The following DCUN1D1 variants were observed in gnomAD, a reference collection of about 807,000 sequenced individuals.
DCUN1D1 encodes the protein defective in cullin neddylation 1 domain containing 1.
Under a neutral mutation model 39.0 loss-of-function variants are expected in DCUN1D1, and 3 were observed. The ratio of observed to expected loss-of-function variants is 0.08; its 90% CI spans 0.04 to 0.20. DCUN1D1 has a LOEUF of 0.20. Among genes scored for constraint, DCUN1D1 ranks in the 10% least tolerant of loss-of-function variants. DCUN1D1 has a pLI of 1.00. For synonymous variants in DCUN1D1, 82 were observed against 96.3 expected, an observed-to-expected ratio of 0.85 and a Z score of 0.87; for missense variants, 158 against 302.4, an observed-to-expected ratio of 0.52 and a Z score of 3.54.
At chr3:182,950,606 T>C (rs985146476) in intron 4 of DCUN1D1, among the ~76,000 whole-genome samples, 1 of 152,150 alleles carries the variant, frequency 6.6e-6, no homozygotes, top group African/African-American at 2.4e-5. Flanking sequence ...CTTTTTCTCC[T>C]TCCCTTCACA....
chr3:182,946,763 A>C (rs1188061965), intron 6 of DCUN1D1, among the ~76,000 whole-genome samples: 1 of 152,142 alleles, frequency 6.6e-6, no homozygotes, highest in Admixed American at 6.5e-5. Context: ...ATTGAAGGAA[A>C]CAGAAGAATA....
At chr3:182,948,503 A>C (rs565137095) in intron 4 of DCUN1D1, among the ~76,000 whole-genome samples, 1 of 152,012 alleles carries the variant, frequency 6.6e-6, no homozygotes, top group South Asian at 2.1e-4. Context: ...AGAGAACTAC[A>C]CTTATCACAT....
At chr3:182,954,546 T>C (rs1472109548) in intron 4 of DCUN1D1, among the ~76,000 whole-genome samples, 1 of 152,194 alleles carries the variant, frequency 6.6e-6, no homozygotes, top group Non-Finnish European at 1.5e-5. Context: ...ATGCATGAAC[T>C]TTTCTTTATA....
chr3:182,980,506 CCT>C lies in DCUN1D1; in HGVS notation c.-19_-18del. The C allele has an allele frequency of 1.6e-6, 2 of 1,239,616 alleles. No individual in the cohort carries two copies. Among genetic ancestry groups the C allele is most frequent in the Non-Finnish European group, 2.1e-6 (2 of 971,880 alleles). 76.8% of individuals were successfully genotyped at this position (1,239,616 alleles called of 1,614,324 possible). ...CCTCACCATGTTGGTGTCCTCCAGG[CCT>C]CTCCCCTCCTCCTCCGGCTCCGCAG... On this transcript the variant is annotated 5_prime_UTR_variant, in exon 1 of 7. Coordinates refer to ENST00000292782, the MANE Select transcript of DCUN1D1 (RefSeq NM_020640.4).
chr3:182,975,812 A>T (rs1180208636), intron 1 of DCUN1D1, among the ~76,000 whole-genome samples: 39 of 150,508 alleles, frequency 2.6e-4, no homozygotes. Context: ...ACTAGCATGA[A>T]ATCATTTAGA....
intron 1 of DCUN1D1, among the ~76,000 whole-genome samples, chr3:182,974,552 ATT>A (rs138495178): frequency 5.9e-4 from 89 of 151,924 alleles, no homozygotes; most frequent in African/African-American, 2.0e-3. Flanking sequence ...AACATACTAT[ATT>A]TGTTTCACAG....
intron 4 of DCUN1D1, chr3:182,955,929 C>CT (rs71185615): frequency 0.57 from 75,219 of 132,290 alleles, 25,144 homozygotes; most frequent in Non-Finnish European, 0.76. Flanking sequence ...GCTTATCAAA[C>CT]TTTTTTTTTT....
chr3:182,981,348 G>A (rs752815836), upstream of DCUN1D1, among the ~76,000 whole-genome samples: 1 of 152,168 alleles, frequency 6.6e-6, no homozygotes, highest in African/African-American at 2.4e-5. Context: ...TTCACTGAGG[G>A]TCTAGTCACG....
intron 3 of DCUN1D1, among the ~76,000 whole-genome samples, chr3:182,963,109 C>T (rs945198230): frequency 1.1e-4 from 16 of 152,086 alleles, no homozygotes; most frequent in African/African-American, 3.4e-4. Context: ...CTTGACTGGA[C>T]GCTGACTGAC....
At chr3:182,959,620 T>C (rs1035501087) in intron 4 of DCUN1D1, among the ~76,000 whole-genome samples, 2 of 152,062 alleles carry the variant, frequency 1.3e-5, no homozygotes, top group African/African-American at 4.8e-5. Context: ...AGCACTTTAT[T>C]ACTATGTATT....
chr3:182,952,439 A>C (rs1292720724), intron 4 of DCUN1D1, among the ~76,000 whole-genome samples: 2 of 152,088 alleles, frequency 1.3e-5, no homozygotes, highest in Non-Finnish European at 2.9e-5. Context: ...TCTGAAACCT[A>C]TCTCTATATT....
At chr3:182,961,456 T>A in intron 3 of DCUN1D1, 100 bp from the exon 4 acceptor site, 1 of 1,110,952 alleles carries the variant, frequency 9.0e-7, no homozygotes, top group Non-Finnish European at 1.3e-6. Context: ...CTAGAACTAC[T>A]TTTTTAAAAA....
upstream of DCUN1D1, among the ~76,000 whole-genome samples, chr3:182,984,720 TAA>T (rs1277535296): frequency 7.9e-5 from 12 of 152,298 alleles, no homozygotes; most frequent in Admixed American, 5.9e-4. Flanking sequence ...AAATTCATAT[TAA>T]GACATAATAT....
chr3:182,971,326 A>C, intron 1 of DCUN1D1, among the ~76,000 whole-genome samples: 1 of 152,160 alleles, frequency 6.6e-6, no homozygotes, highest in South Asian at 2.1e-4. Context: ...GCACTTTGGG[A>C]GGCCAAGGCA....
At chr3:182,947,520 CAGAG>C in intron 5 of DCUN1D1, 26 bp downstream of exon 5, 4 of 1,337,934 alleles carry the variant, frequency 3.0e-6, no homozygotes, top group South Asian at 1.2e-5. Flanking sequence ...TTTGAGAAAA[CAGAG>C]AGAAATGTAG....
intron 3 of DCUN1D1, among the ~76,000 whole-genome samples, chr3:182,961,685 T>A (rs369327488): frequency 4.1e-4 from 63 of 152,316 alleles, no homozygotes; most frequent in African/African-American, 1.4e-3. Context: ...GTAATCAGCA[T>A]AACAATCATT....
At chr3:182,954,311 A>T (rs1726917514) in intron 4 of DCUN1D1, among the ~76,000 whole-genome samples, 1 of 152,192 alleles carries the variant, frequency 6.6e-6, no homozygotes, top group South Asian at 2.1e-4. Context: ...TTTCTGATTG[A>T]TATTTTCAAT....
At chr3:182,984,500 A>G (rs1395937031), upstream of DCUN1D1, among the ~76,000 whole-genome samples, 1 of 152,118 alleles carries the variant, frequency 6.6e-6, no homozygotes, top group African/African-American at 2.4e-5. Context: ...TCTAATGACT[A>G]TTTTCCATAG....
intron 6 of DCUN1D1, among the ~76,000 whole-genome samples, chr3:182,946,556 CAAAAAA>C (rs71185614): frequency 4.9e-5 from 3 of 61,562 alleles, no homozygotes; most frequent in African/African-American, 7.6e-5. Flanking sequence ...GACTCCATCT[CAAAAAA>C]AAAAAAAAAA....
Sources: allele counts gnomAD v4.1 joint callset (sites outside exome capture counted in the v4.1 genomes callset), GRCh38; gene constraint gnomAD v4.1.1; transcripts MANE v1.5; gene names NCBI Gene and HGNC (gene_info 2026-07-23, HGNC 2026-07-21).